ANKRD13C: variants seen among roughly 807,000 people sequenced by gnomAD.
ANKRD13C encodes the protein ankyrin repeat domain-containing protein 13C.
A neutral mutation model predicts 65.5 loss-of-function variants in ANKRD13C; 16 were observed. The ratio of observed to expected loss-of-function variants is 0.24; its 90% CI spans 0.17 to 0.37. The LOEUF is 0.37. Ranked by LOEUF, ANKRD13C falls within the 10% of genes least tolerant of loss-of-function variation. ANKRD13C has a pLI of 1.00. For missense variants in ANKRD13C, 503 were observed against 655.9 expected (o/e 0.77, Z 2.55); for synonymous variants, 235 against 238.7 (o/e 0.98, Z 0.14).
At chr1:70,343,336 T>C (rs1682390708) in intron 1 of ANKRD13C, among the ~76,000 whole-genome samples, 1 of 152,234 alleles carries the variant, frequency 6.6e-6, no homozygotes, top group South Asian at 2.1e-4. Context: ...TTCCATCTAC[T>C]ATCTCCTCAG....
At chr1:70,274,334 C>A (rs1290236685) in intron 11 of ANKRD13C, among the ~76,000 whole-genome samples, 1 of 151,474 alleles carries the variant, frequency 6.6e-6, no homozygotes, top group Admixed American at 6.6e-5. Context: ...ATTAGCCGGG[C>A]GTGGTGGTGG....
chr1:70,337,508 G>T (rs1682094080), intron 1 of ANKRD13C, among the ~76,000 whole-genome samples: 1 of 151,994 alleles, frequency 6.6e-6, no homozygotes, highest in Non-Finnish European at 1.5e-5. Flanking sequence ...TGAACCATGG[G>T]AGACAGAGGT....
chr1:70,333,684 T>C (rs1057140087), intron 2 of ANKRD13C, among the ~76,000 whole-genome samples: 8 of 152,142 alleles, frequency 5.3e-5, no homozygotes, highest in African/African-American at 1.9e-4. Context: ...AAAGTCAACT[T>C]AGGATCCTAA....
At chr1:70,270,382 T>C (rs981944888) in intron 12 of ANKRD13C, among the ~76,000 whole-genome samples, 2 of 152,200 alleles carry the variant, frequency 1.3e-5, no homozygotes, top group Non-Finnish European at 2.9e-5. Context: ...AATAAATGCA[T>C]ATAATTACTG....
chr1:70,281,396 CTT>C (rs71583111), intron 9 of ANKRD13C, among the ~76,000 whole-genome samples: 185 of 85,338 alleles, frequency 2.2e-3, no homozygotes, highest in East Asian at 0.014. Flanking sequence ...TGACTAAATT[CTT>C]TTTTTTTTTT....
At chr1:70,304,879 T>G (rs1313961664) in intron 6 of ANKRD13C, among the ~76,000 whole-genome samples, 1 of 152,188 alleles carries the variant, frequency 6.6e-6, no homozygotes, top group Non-Finnish European at 1.5e-5. Flanking sequence ...TTTCTTCTAT[T>G]TTTCTGTATT....
Position 70,262,411 on chromosome 1 carries a change from T to C in ANKRD13C, c.*306A>G, listed in dbSNP as rs1572003794. On this transcript the variant is annotated 3_prime_UTR_variant, in exon 13 of 13. Coordinates refer to ENST00000370944, the MANE Select transcript of ANKRD13C (RefSeq NM_030816.5). ...TGCATATATATTTCAACAAGAAGTG[T>C]AAAAATTTTTAAAAACAAATCACAG... The C allele has an allele frequency of 6.0e-6, 1 of 166,458 alleles. No homozygotes were observed. The highest frequency in any genetic ancestry group is 1.6e-4 in the East Asian group (1 of 6,186). The allele number at this position is 166,458 out of a possible 1,614,324, so 10.3% of individuals were successfully genotyped here.
In ANKRD13C at chr1:70,260,392, G is replaced by A. The variant is rs972094110; in HGVS notation, c.*2325C>T. 2.0e-5 allele frequency among the ~76,000 whole-genome samples: 3 copies of A among 152,072 alleles called. No homozygotes were observed. Among genetic ancestry groups the A allele is most frequent in the Admixed American group, 6.5e-5 (1 of 15,270 alleles). On this transcript the variant is annotated 3_prime_UTR_variant, in exon 13 of 13. Transcript: ENST00000370944. Reference sequence around the variant, plus strand: ...AAATGGCTATTGAAGATGACTATACGATTGTCCCCCTACCAATTTAAACAG... The same window carrying A: ...AAATGGCTATTGAAGATGACTATACAATTGTCCCCCTACCAATTTAAACAG...
At chr1:70,340,117 T>G (rs1308010197) in intron 1 of ANKRD13C, among the ~76,000 whole-genome samples, 2 of 151,978 alleles carry the variant, frequency 1.3e-5, no homozygotes, top group Non-Finnish European at 2.9e-5. Context: ...TCCAAAATAT[T>G]GGGATTATAG....
intron 9 of ANKRD13C, among the ~76,000 whole-genome samples, chr1:70,286,648 T>C (rs2101211952): frequency 6.6e-6 from 1 of 152,276 alleles, no homozygotes; most frequent in East Asian, 1.9e-4. Flanking sequence ...CTTTATTATC[T>C]GATGACATAA....
At chr1:70,280,235 T>C (rs1030168832) in intron 9 of ANKRD13C, among the ~76,000 whole-genome samples, 1 of 152,122 alleles carries the variant, frequency 6.6e-6, no homozygotes, top group Non-Finnish European at 1.5e-5. Flanking sequence ...TGACAGGGGC[T>C]ACAGAATGAT....
intron 9 of ANKRD13C, among the ~76,000 whole-genome samples, chr1:70,287,699 A>G (rs189856239): frequency 1.3e-4 from 20 of 152,248 alleles, no homozygotes; most frequent in African/African-American, 4.3e-4. Context: ...TGAAGAATTA[A>G]CATCTAGAAA....
At chr1:70,348,199 C>T (rs1264289777) in intron 1 of ANKRD13C, among the ~76,000 whole-genome samples, 3 of 151,696 alleles carry the variant, frequency 2.0e-5, no homozygotes, top group East Asian at 1.9e-4. Context: ...AAGGAAGATA[C>T]GAGATTTATA....
At chr1:70,340,745 A>C (rs1682271817) in intron 1 of ANKRD13C, among the ~76,000 whole-genome samples, 1 of 152,172 alleles carries the variant, frequency 6.6e-6, no homozygotes, top group Admixed American at 6.5e-5. Flanking sequence ...TAAAATTTTC[A>C]TAGATTTTTG....
chr1:70,263,485 TAAATA>T (rs1189568860), intron 12 of ANKRD13C, among the ~76,000 whole-genome samples: 6 of 152,058 alleles, frequency 3.9e-5, no homozygotes, highest in Non-Finnish European at 8.8e-5. Flanking sequence ...AAGAGTAAAA[TAAATA>T]AAATGAACAA....
In ANKRD13C at chr1:70,300,527, G is replaced by A. The variant is rs575356627; in HGVS notation, c.921+237C>T. Reference sequence around the variant, plus strand: ...TGCTTGAACCTGGGAGGCGGAGGTTGCAGTGAGCCTAGATCACGCCACTGC... The same window carrying A: ...TGCTTGAACCTGGGAGGCGGAGGTTACAGTGAGCCTAGATCACGCCACTGC... On this transcript the variant is annotated intron_variant, in intron 7 of 12. Coordinates refer to ENST00000370944, the MANE Select transcript of ANKRD13C (RefSeq NM_030816.5). Among the ~76,000 whole-genome samples the A allele has an allele frequency of 6.2e-4, 95 of 152,190 alleles. 1 individual carries two copies. Among genetic ancestry groups the A allele is most frequent in the Admixed American group, 1.6e-3 (25 of 15,284 alleles).
chr1:70,271,001 C>T (rs555194062), intron 11 of ANKRD13C, 45 bp from the exon 12 acceptor site: 12 of 1,247,388 alleles, frequency 9.6e-6, no homozygotes, highest in Non-Finnish European at 1.4e-5. Context: ...GTTCAAATTG[C>T]CTTGTGTCCT....
intron 2 of ANKRD13C, among the ~76,000 whole-genome samples, chr1:70,329,102 A>C (rs1681672831): frequency 6.6e-6 from 1 of 152,200 alleles, no homozygotes; most frequent in Admixed American, 6.6e-5. Flanking sequence ...TACGATATGA[A>C]GGGATATCCA....
chr1:70,276,339 G>A (rs1266770911), intron 10 of ANKRD13C, among the ~76,000 whole-genome samples: 2 of 152,134 alleles, frequency 1.3e-5, no homozygotes, highest in Non-Finnish European at 2.9e-5. Context: ...AATGACAGGT[G>A]AGGAGCTTGG....
Sources: allele counts gnomAD v4.1 joint callset (sites outside exome capture counted in the v4.1 genomes callset), GRCh38; gene constraint gnomAD v4.1.1; transcripts MANE v1.5; gene names NCBI Gene and HGNC (gene_info 2026-07-23, HGNC 2026-07-21).